The following CAMSAP2 variants were observed in gnomAD, a reference collection of about 807,000 sequenced individuals.
CAMSAP2 encodes calmodulin regulated spectrin associated protein family member 2.
CAMSAP2 carries 26 observed loss-of-function variants against 146.1 expected under a neutral mutation model. The observed-to-expected ratio is 0.18, with a 90% CI of 0.13 to 0.25. CAMSAP2 has a LOEUF of 0.25. CAMSAP2 is among the 10% of genes least tolerant of loss of function. The pLI, the probability that CAMSAP2 is intolerant of heterozygous loss-of-function variation, is 1.00. For synonymous variants in CAMSAP2, 499 were observed against 596.6 expected (o/e 0.84, Z 2.38); for missense variants, 1,381 against 1,759.3 (o/e 0.78, Z 3.85).
chr1:200,812,688 T>C (rs1433736898), intron 3 of CAMSAP2, among the ~76,000 whole-genome samples: 1 of 152,206 alleles, frequency 6.6e-6, no homozygotes, highest in East Asian at 1.9e-4. Flanking sequence ...CTAAAATAAT[T>C]ATCAGCATAG....
At chr1:200,764,533 T>C (rs926918757) in intron 2 of CAMSAP2, among the ~76,000 whole-genome samples, 1 of 152,224 alleles carries the variant, frequency 6.6e-6, no homozygotes, top group African/African-American at 2.4e-5. Flanking sequence ...TATATGATTT[T>C]ACTGTTTTAA....
rs138930101 is a variant in CAMSAP2, at chr1:200,805,365, C to A, written c.400-2011C>A. Reference sequence around the variant, plus strand: ...CTAGCTTCTTTCTTTCCTTTCCTTTCTTTAGCCCCTGCTAGTTGCCAGATA... The same window carrying A: ...CTAGCTTCTTTCTTTCCTTTCCTTTATTTAGCCCCTGCTAGTTGCCAGATA... On this transcript the variant is annotated intron_variant, in intron 2 of 16. Transcript: ENST00000358823. Among the ~76,000 whole-genome samples the A allele has an allele frequency of 1.2e-4, 19 of 152,268 alleles. No homozygotes were observed. The East Asian group carries it at 2.9e-3, about 23-fold the overall frequency.
chr1:200,817,176 ATACACACACACACATGTGTGTGTG>A (rs1558192026), intron 4 of CAMSAP2, among the ~76,000 whole-genome samples: 53 of 61,536 alleles, frequency 8.6e-4, no homozygotes, highest in African/African-American at 4.6e-3. Context: ...GTGTGTGTAT[ATACACACACACACATGTGTGTGTG>A]TATACACACA....
rs541546458 is a variant in CAMSAP2 at position 200,773,721 on chromosome 1, C to T, written c.399+12623C>T. Among the ~76,000 whole-genome samples, 61 of 151,974 alleles carry T rather than the reference C, an allele frequency of 4.0e-4. 1 individual carries two copies. The East Asian group carries it at 5.8e-3, about 14-fold the overall frequency. ...CTAAAAAACTAATAGTAGACACACA[C>T]ATATAAATAATTGGAGTGGCTTGGT... On this transcript the variant is annotated intron_variant, in intron 2 of 16. Transcript: ENST00000358823.
intron 2 of CAMSAP2, among the ~76,000 whole-genome samples, chr1:200,769,798 T>C (rs903961946): frequency 6.6e-6 from 1 of 152,208 alleles, no homozygotes; most frequent in African/African-American, 2.4e-5. Flanking sequence ...TCTCAGTTTT[T>C]TGAAGCTTTA....
At chr1:200,847,121 T>C in intron 8 of CAMSAP2, 89 bp from the exon 9 acceptor site, 1 of 846,464 alleles carries the variant, frequency 1.2e-6, no homozygotes, top group South Asian at 1.7e-5. Flanking sequence ...GAATGAGAGG[T>C]GGTAGTGTTG....
intron 2 of CAMSAP2, among the ~76,000 whole-genome samples, chr1:200,767,451 G>A (rs1664985552): frequency 6.8e-6 from 1 of 148,072 alleles, no homozygotes; most frequent in African/African-American, 2.5e-5. Flanking sequence ...CAGAGAAGCT[G>A]ATCCCAGGAA....
intron 2 of CAMSAP2, among the ~76,000 whole-genome samples, chr1:200,806,765 G>GTATT (rs774300193): frequency 3.6e-5 from 5 of 140,118 alleles, no homozygotes; most frequent in Non-Finnish European, 4.6e-5. Context: ...GTGTGTGTGT[G>GTATT]TATCTATCTA....
intron 1 of CAMSAP2, among the ~76,000 whole-genome samples, chr1:200,742,841 A>G (rs1341886359): frequency 6.8e-6 from 1 of 146,038 alleles, no homozygotes; most frequent in Non-Finnish European, 1.5e-5. Context: ...GAAGTAATTG[A>G]ACTTAAAAAA....
At chr1:200,819,333 G>T (rs1666687780) in intron 4 of CAMSAP2, among the ~76,000 whole-genome samples, 1 of 152,040 alleles carries the variant, frequency 6.6e-6, no homozygotes, top group Non-Finnish European at 1.5e-5. Context: ...GTAAATTAGG[G>T]TGCCTAATTA....
chr1:200,852,756 T>C lies in CAMSAP2; in HGVS notation c.3602+79T>C. The C allele has an allele frequency of 3.5e-6, 5 of 1,418,306 alleles. No individual in the cohort carries two copies. In the South Asian group the frequency reaches 7.4e-5, roughly 21 times the overall value. 87.9% of individuals were successfully genotyped at this position (1,418,306 alleles called of 1,614,324 possible). On this transcript the variant is annotated intron_variant, in intron 12 of 16. Coordinates refer to ENST00000358823, the MANE Select transcript of CAMSAP2 (RefSeq NM_203459.4). ...ATATTTAGAAAAAGTTGGTAAGTAC[T>C]CAAAGAGGTGGTCTCTCATTAATTT...
intron 2 of CAMSAP2, among the ~76,000 whole-genome samples, chr1:200,766,184 C>T (rs913246237): frequency 3.3e-5 from 5 of 150,544 alleles, no homozygotes; most frequent in African/African-American, 1.2e-4. Flanking sequence ...CACTCTGTTG[C>T]CCAGGCTGGA....
chr1:200,807,506 T>C lies in CAMSAP2; in HGVS notation c.530T>C (p.Ile177Thr), dbSNP rs779710198. 6.2e-6 allele frequency: 10 copies of C among 1,611,264 alleles called. No individual in the cohort carries two copies. In the African/African-American group the frequency reaches 1.1e-4, roughly 17 times the overall value. ...CAAGCCACAGATCTGCCCTATGATATTGAGGACGCTGTCATGTACTGGATA... is the reference window on the plus strand; with the variant it reads ...CAAGCCACAGATCTGCCCTATGATACTGAGGACGCTGTCATGTACTGGATA... The part of the protein sequence containing the change: ...FFQATDLPYD[I>T]EDAVMYWINK... Residue 177 changes from isoleucine (I) to threonine (T), a missense_variant, in exon 3 of 17, where the codon ATT becomes ACT. Physicochemically the swap from Ile to Thr is moderately conservative, Grantham distance 89 (BLOSUM62 -1). This residue lies in a region of CAMSAP2 where 284 missense variants were observed against 406.9 expected (regional missense o/e 0.70). Transcript: ENST00000358823.
chr1:200,819,088 C>A (rs549058053), intron 4 of CAMSAP2, among the ~76,000 whole-genome samples: 22 of 152,178 alleles, frequency 1.4e-4, no homozygotes, highest in African/African-American at 4.8e-4. Flanking sequence ...TTGAAGGATA[C>A]TTGTACTATA....
At chr1:200,840,355 C>G (rs930000437) in intron 6 of CAMSAP2, among the ~76,000 whole-genome samples, 7 of 151,924 alleles carry the variant, frequency 4.6e-5, no homozygotes, top group Non-Finnish European at 7.4e-5. Context: ...CACAATCAGC[C>G]AAATCCTGGG....
chr1:200,832,593 A>T lies in CAMSAP2; in HGVS notation c.788-113A>T. 1 of 962,176 alleles carries T rather than the reference A, an allele frequency of 1.0e-6. No homozygotes were observed. The highest frequency in any genetic ancestry group is 1.5e-6 in the Non-Finnish European group (1 of 683,210). The allele number at this position is 962,176 out of a possible 1,614,324, so 59.6% of individuals were successfully genotyped here. A position where few individuals can be genotyped will look rare whatever the true frequency, so the allele number is the denominator to read the frequency against. ...AATGTATAATGACTACTATATTTAT[A>T]AATGTATGTTTGTTAACCAGAATTG... On this transcript the variant is annotated intron_variant, in intron 5 of 16. Transcript: ENST00000358823. The surrounding 1 kb of genome is among the most constrained non-coding windows in gnomAD (Gnocchi z 4.2).
At chr1:200,764,863 G>A (rs1269365016) in intron 2 of CAMSAP2, among the ~76,000 whole-genome samples, 3 of 152,146 alleles carry the variant, frequency 2.0e-5, no homozygotes, top group African/African-American at 7.2e-5. Flanking sequence ...CAGCACTTTG[G>A]GAGGCCAAGG....
chr1:200,787,818 C>T (rs1485737731), intron 2 of CAMSAP2, among the ~76,000 whole-genome samples: 1 of 152,176 alleles, frequency 6.6e-6, no homozygotes, highest in Non-Finnish European at 1.5e-5. Context: ...TCCCCTCCTT[C>T]AGCAATCACC....
At chr1:200,753,572 A>G (rs1415283799) in intron 1 of CAMSAP2, among the ~76,000 whole-genome samples, 1 of 152,146 alleles carries the variant, frequency 6.6e-6, no homozygotes, top group Non-Finnish European at 1.5e-5. Flanking sequence ...TGGTATTGAT[A>G]GGAATACCTA....
Sources: allele counts gnomAD v4.1 joint callset (sites outside exome capture counted in the v4.1 genomes callset), GRCh38; gene constraint gnomAD v4.1.1; regional missense constraint gnomAD v4.1.1; non-coding constraint Gnocchi (gnomAD v3.1); transcripts MANE v1.5; gene names NCBI Gene and HGNC (gene_info 2026-07-23, HGNC 2026-07-21).